VPS13B: variants seen among roughly 807,000 people sequenced by gnomAD.
The protein encoded by VPS13B is vacuolar protein sorting 13 homolog B.
A neutral mutation model predicts 426.4 loss-of-function variants in VPS13B; 285 were observed. That is an observed-to-expected ratio of 0.67 (90% CI 0.61 to 0.74). The LOEUF (loss-of-function observed/expected upper bound fraction) is 0.74. Ranked by LOEUF, VPS13B falls within the 30% of genes least tolerant of loss-of-function variation. The pLI is 0.00. For synonymous variants in VPS13B, 1,676 were observed against 1,676.4 expected, an observed-to-expected ratio of 1.00 and a Z score of 0.01; for missense variants, 4,537 against 4,782.6, an observed-to-expected ratio of 0.95 and a Z score of 1.51.
intron 58 of VPS13B, 44 bp from the exon 59 acceptor site, chr8:99,868,245 G>A: frequency 6.2e-7 from 1 of 1,613,288 alleles, no homozygotes; most frequent in Non-Finnish European, 8.5e-7. Context: ...CATTTTCCGA[G>A]GATTTTAAGC....
intron 17 of VPS13B, among the ~76,000 whole-genome samples, chr8:99,240,648 G>A (rs145177166): frequency 1.3e-5 from 2 of 152,012 alleles, no homozygotes; most frequent in East Asian, 1.9e-4. Flanking sequence ...TACATTTTAC[G>A]CTTAATAAAC....
rs75580222 is a variant in VPS13B, at chr8:99,287,844, G to A, written c.2824+12590G>A. On this transcript the variant is annotated intron_variant, in intron 19 of 61. Coordinates refer to ENST00000357162, the MANE Select transcript of VPS13B (RefSeq NM_152564.5). ...AGCTGAGGAATTTATAATGAGATGAGTATGTCCATAAAAGTCTGGCAGGTG... is the reference window on the plus strand; with the variant it reads ...AGCTGAGGAATTTATAATGAGATGAATATGTCCATAAAAGTCTGGCAGGTG... Among the ~76,000 whole-genome samples the A allele has an allele frequency of 2.6e-5, 4 of 151,994 alleles. No homozygotes were observed. In the East Asian group the frequency reaches 7.7e-4, roughly 29 times the overall value.
At chr8:99,334,181 C>A (rs934663399) in intron 19 of VPS13B, among the ~76,000 whole-genome samples, 1 of 151,976 alleles carries the variant, frequency 6.6e-6, no homozygotes. Flanking sequence ...AACTCTCCCA[C>A]CAACAATGTG....
At chr8:99,543,630 A>T (rs1427046652) in intron 30 of VPS13B, among the ~76,000 whole-genome samples, 1 of 150,812 alleles carries the variant, frequency 6.6e-6, no homozygotes, top group African/African-American at 2.4e-5. Context: ...AAAACAAACA[A>T]CCCCATCAAA....
At chr8:99,486,579 C>T (rs1352428069) in intron 25 of VPS13B, among the ~76,000 whole-genome samples, 2 of 152,196 alleles carry the variant, frequency 1.3e-5, no homozygotes, top group African/African-American at 4.8e-5. Flanking sequence ...GAAAAACATC[C>T]ATGGCATTTC....
At chr8:99,291,379 A>G (rs1264450803) in intron 19 of VPS13B, among the ~76,000 whole-genome samples, 1 of 152,196 alleles carries the variant, frequency 6.6e-6, no homozygotes, top group Non-Finnish European at 1.5e-5. Context: ...TAAGCATTTT[A>G]CAGAGAACAT....
chr8:99,274,447 G>T, intron 18 of VPS13B, 115 bp downstream of exon 18: 2 of 1,517,356 alleles, frequency 1.3e-6, no homozygotes, highest in South Asian at 1.2e-5. Context: ...TGAATCAGAC[G>T]TTTTAAATTT....
At chr8:99,812,245 G>C (rs1440339771) in intron 44 of VPS13B, among the ~76,000 whole-genome samples, 1 of 152,152 alleles carries the variant, frequency 6.6e-6, no homozygotes, top group Non-Finnish European at 1.5e-5. Context: ...AATTTTTGCT[G>C]TCAGGGTAGT....
In VPS13B at chr8:99,425,389, T is replaced by A. The variant is rs1245685247; in HGVS notation, c.3083-6148T>A. On this transcript the variant is annotated intron_variant, in intron 21 of 61. Coordinates refer to ENST00000357162, the MANE Select transcript of VPS13B (RefSeq NM_152564.5). ...ACCATGATCAAGTGGGCTTCATCCC[T>A]GGGATGCAAGGCTGGTTCAACATAT... Among the ~76,000 whole-genome samples the A allele has an allele frequency of 2.6e-5, 4 of 152,286 alleles. No individual in the cohort carries two copies. The East Asian group carries it at 7.7e-4, about 29-fold the overall frequency.
chr8:99,374,093 A>G (rs977878233), intron 19 of VPS13B, among the ~76,000 whole-genome samples: 1 of 151,032 alleles, frequency 6.6e-6, no homozygotes, highest in African/African-American at 2.4e-5. Context: ...ATATTCTATT[A>G]TTTTCTGGCC....
chr8:99,111,936 C>T (rs1032555695), intron 6 of VPS13B, among the ~76,000 whole-genome samples: 1 of 152,036 alleles, frequency 6.6e-6, no homozygotes, highest in Admixed American at 6.6e-5. Flanking sequence ...GTTTTTCAGC[C>T]CTTTTTTCCT....
At chr8:99,536,386 A>G (rs911366812) in intron 30 of VPS13B, among the ~76,000 whole-genome samples, 3 of 152,238 alleles carry the variant, frequency 2.0e-5, no homozygotes, top group Non-Finnish European at 2.9e-5. Context: ...AAATCCATAT[A>G]TGAAGATTAA....
intron 19 of VPS13B, among the ~76,000 whole-genome samples, chr8:99,361,845 CTTT>C (rs1244129401): frequency 6.6e-6 from 1 of 152,128 alleles, no homozygotes; most frequent in Non-Finnish European, 1.5e-5. Context: ...GTAGCTATTA[CTTT>C]TTAAGTTCCT....
At chr8:99,770,193 A>G (rs1379845904) in intron 40 of VPS13B, among the ~76,000 whole-genome samples, 1 of 152,124 alleles carries the variant, frequency 6.6e-6, no homozygotes, top group Admixed American at 6.5e-5. Context: ...TTAGGTTCCT[A>G]TATCTTTAAC....
chr8:99,234,369 G>T, intron 17 of VPS13B: 2 of 728,770 alleles, frequency 2.7e-6, no homozygotes, highest in South Asian at 1.4e-5. Context: ...AGGTGAGGAG[G>T]TATGTTTCAA....
Position 99,410,972 on chromosome 8 carries a change from G to A in VPS13B, c.3082+19268G>A, listed in dbSNP as rs774623630. On this transcript the variant is annotated intron_variant, in intron 21 of 61. Transcript: ENST00000357162. ...TTAATCCAGTCTATCATTGATGGGCGTTTGGGTTGGTTCCAAGTCTTTGCT... is the reference window on the plus strand; with the variant it reads ...TTAATCCAGTCTATCATTGATGGGCATTTGGGTTGGTTCCAAGTCTTTGCT... 6.6e-5 allele frequency among the ~76,000 whole-genome samples: 10 copies of A among 152,082 alleles called. No individual in the cohort carries two copies. In the East Asian group the frequency reaches 7.7e-4, roughly 12 times the overall value.
intron 39 of VPS13B, among the ~76,000 whole-genome samples, chr8:99,743,533 C>T (rs201736078): frequency 8.5e-5 from 13 of 152,142 alleles, no homozygotes; most frequent in African/African-American, 2.2e-4. Flanking sequence ...TAAGCCAAAA[C>T]AACAAAGCTG....
In VPS13B at chr8:99,640,059, A is replaced by AGAAAAGAAG. The variant is rs1563838966; in HGVS notation, c.5221-1752_5221-1751insGAAAAGAAG. The stretch of plus-strand genomic sequence containing the variant: ...GAAGAAGAAGAAGAAGAGAAAAGAA[A>AGAAAAGAAG]AGAAAAGAAAAGAAAAGAAAAGAAA... On this transcript the variant is annotated intron_variant, in intron 33 of 61. Transcript: ENST00000357162. 4.7e-3 allele frequency among the ~76,000 whole-genome samples: 377 copies of AGAAAAGAAG among 80,778 alleles called. 9 individuals carry two copies. The highest frequency in any genetic ancestry group is 0.013 in the East Asian group (32 of 2,558). 53.0% of individuals were successfully genotyped at this position (80,778 alleles called of 152,430 possible). A position where few individuals can be genotyped will look rare whatever the true frequency, so the allele number is the denominator to read the frequency against.
At chr8:99,832,688 G>T (rs1343896714) in intron 52 of VPS13B, 36 bp downstream of exon 52, 1 of 1,607,778 alleles carries the variant, frequency 6.2e-7, no homozygotes, top group Non-Finnish European at 8.5e-7. Context: ...GTTCTTCTTT[G>T]CTTGTCAGTC....
Sources: gnomAD v4.1 joint callset for allele counts (sites outside exome capture counted in the v4.1 genomes callset) on GRCh38, gnomAD v4.1.1 for gene constraint, MANE v1.5 for transcripts, NCBI Gene and HGNC (gene_info 2026-07-23, HGNC 2026-07-21) for gene names.